ADGRL4: variants seen among roughly 807,000 people sequenced by gnomAD.
ADGRL4 encodes the protein adhesion G protein-coupled receptor L4.
Under a neutral mutation model 74.8 loss-of-function variants are expected in ADGRL4, and 90 were observed. The ratio of observed to expected loss-of-function variants is 1.20; its 90% CI spans 1.02 to 1.43. The LOEUF (loss-of-function observed/expected upper bound fraction) is 1.43, where lower values mean the gene tolerates loss of function less well. Ranked by LOEUF, ADGRL4 falls within the 40% of genes most tolerant of loss-of-function variation. The pLI, the probability that ADGRL4 is intolerant of heterozygous loss-of-function variation, is 0.00. For synonymous variants in ADGRL4, 311 were observed against 279.2 expected (o/e 1.11, Z -1.14); for missense variants, 881 against 814.3 (o/e 1.08, Z -1.00).
chr1:78,905,940 T>C (rs1428912360), intron 12 of ADGRL4, among the ~76,000 whole-genome samples: 1 of 152,018 alleles, frequency 6.6e-6, no homozygotes, highest in Non-Finnish European at 1.5e-5. Context: ...ACATAATATA[T>C]GGCAACAGAA....
In ADGRL4 at chr1:78,936,375, T is replaced by C; in HGVS notation, c.797A>G (p.Lys266Arg). The change falls in exon 7 of 15, where the codon AAA becomes AGA. Residue 266 changes from lysine to arginine, a missense_variant. Coordinates refer to ENST00000370742, the MANE Select transcript of ADGRL4 (RefSeq NM_022159.4). ...KVFFFDSYNM[K>R]HIHPHMNMDG... is the part of the protein sequence containing the mutation. ...CATATTCATATGAGGATGAATATGT[T>C]TCATGTTATATGAATCAAAAAAGAA... 6.3e-7 allele frequency: 1 copy of C among 1,578,174 alleles called. No homozygotes were observed. Among genetic ancestry groups the C allele is most frequent in the Middle Eastern group, 1.7e-4 (1 of 5,944 alleles).
At chr1:78,920,891 G>T (rs754307498) in intron 9 of ADGRL4, among the ~76,000 whole-genome samples, 17 of 151,812 alleles carry the variant, frequency 1.1e-4, no homozygotes, top group Non-Finnish European at 1.9e-4. Flanking sequence ...CTAACTAGAT[G>T]AATACTTATG....
chr1:78,932,207 A>T (rs1199827100), intron 7 of ADGRL4, among the ~76,000 whole-genome samples: 2 of 151,540 alleles, frequency 1.3e-5, no homozygotes, highest in African/African-American at 2.5e-5. Context: ...AATGCAAAAA[A>T]CTGAAATCAT....
chr1:78,994,930 A>T (rs1156630893), intron 2 of ADGRL4, among the ~76,000 whole-genome samples: 1 of 152,204 alleles, frequency 6.6e-6, no homozygotes, highest in Non-Finnish European at 1.5e-5. Context: ...TACTTTTACC[A>T]TTCCTGAACA....
At chr1:78,970,683 T>C (rs1381745245) in intron 2 of ADGRL4, among the ~76,000 whole-genome samples, 1 of 152,194 alleles carries the variant, frequency 6.6e-6, no homozygotes, top group Non-Finnish European at 1.5e-5. Context: ...CTTCAGTCTG[T>C]ACCACTTTTG....
intron 12 of ADGRL4, among the ~76,000 whole-genome samples, chr1:78,906,676 A>T (rs1407537571): frequency 6.6e-6 from 1 of 152,058 alleles, no homozygotes; most frequent in Non-Finnish European, 1.5e-5. Context: ...CTTGCAATAG[A>T]AAACAAGAAC....
chr1:78,907,367 C>T (rs925774444), intron 12 of ADGRL4, among the ~76,000 whole-genome samples: 8 of 151,914 alleles, frequency 5.3e-5, no homozygotes, highest in Non-Finnish European at 1.2e-4. Context: ...TTTCATGGCG[C>T]ATCATTCATT....
chr1:78,978,805 A>T (rs1650343725), intron 2 of ADGRL4, among the ~76,000 whole-genome samples: 1 of 152,046 alleles, frequency 6.6e-6, no homozygotes, highest in Non-Finnish European at 1.5e-5. Flanking sequence ...AAGTTTACAG[A>T]GGTGCAAAGT....
At chr1:78,966,467 G>A (rs562315798) in intron 2 of ADGRL4, among the ~76,000 whole-genome samples, 47 of 152,264 alleles carry the variant, frequency 3.1e-4, no homozygotes, top group African/African-American at 7.5e-4. Flanking sequence ...CTTGAGAAGC[G>A]GTGAGTAAAA....
intron 12 of ADGRL4, among the ~76,000 whole-genome samples, chr1:78,913,174 T>C (rs1004967776): frequency 6.6e-6 from 1 of 151,978 alleles, no homozygotes; most frequent in Non-Finnish European, 1.5e-5. Context: ...AAGGAATGGT[T>C]ATACACTGTT....
intron 2 of ADGRL4, among the ~76,000 whole-genome samples, chr1:78,967,194 T>C: frequency 6.6e-6 from 1 of 152,216 alleles, no homozygotes; most frequent in East Asian, 1.9e-4. Context: ...GTCATCAAAA[T>C]GTAAATAGGT....
intron 8 of ADGRL4, among the ~76,000 whole-genome samples, chr1:78,923,878 G>A (rs1197026780): frequency 6.6e-6 from 1 of 151,862 alleles, no homozygotes; most frequent in Non-Finnish European, 1.5e-5. Flanking sequence ...AACAGAAAAA[G>A]AGAGCAGAGA....
intron 8 of ADGRL4, among the ~76,000 whole-genome samples, chr1:78,922,742 T>C (rs570881542): frequency 2.0e-5 from 3 of 152,130 alleles, no homozygotes; most frequent in Admixed American, 1.3e-4. Flanking sequence ...GGCCAAGATA[T>C]GTGATTTTAA....
At chr1:78,933,744 A>G (rs1203559526) in intron 7 of ADGRL4, among the ~76,000 whole-genome samples, 1 of 149,796 alleles carries the variant, frequency 6.7e-6, no homozygotes, top group African/African-American at 2.5e-5. Context: ...TCACAATACA[A>G]AATCAATGTG....
At chr1:78,932,069 T>C (rs1649254709) in intron 7 of ADGRL4, among the ~76,000 whole-genome samples, 1 of 151,380 alleles carries the variant, frequency 6.6e-6, no homozygotes, top group African/African-American at 2.5e-5. Context: ...CAGTTCCGGA[T>C]GAAGTGGACC....
At chr1:78,909,028 A>G (rs924880365) in intron 12 of ADGRL4, among the ~76,000 whole-genome samples, 1 of 151,872 alleles carries the variant, frequency 6.6e-6, no homozygotes, top group Non-Finnish European at 1.5e-5. Flanking sequence ...AAATAATATG[A>G]AAAAAAGTGG....
At chr1:78,908,211 C>G (rs533335217) in intron 12 of ADGRL4, among the ~76,000 whole-genome samples, 138 of 152,034 alleles carry the variant, frequency 9.1e-4, no homozygotes, top group Middle Eastern at 3.4e-3. Context: ...TGTAGTAGAT[C>G]AGCTTGGGGA....
At chr1:78,951,909 G>A (rs1377383109) in intron 2 of ADGRL4, among the ~76,000 whole-genome samples, 1 of 152,114 alleles carries the variant, frequency 6.6e-6, no homozygotes, top group African/African-American at 2.4e-5. Context: ...GAGTTATATT[G>A]AGTCCCCTAG....
intron 2 of ADGRL4, among the ~76,000 whole-genome samples, chr1:78,958,933 C>T (rs776372344): frequency 3.9e-5 from 6 of 152,174 alleles, no homozygotes; most frequent in Non-Finnish European, 7.3e-5. Context: ...CACCCTGATC[C>T]GTCAGCAGCC....
Sources: allele counts gnomAD v4.1 joint callset (sites outside exome capture counted in the v4.1 genomes callset), GRCh38; gene constraint gnomAD v4.1.1; transcripts MANE v1.5; gene names NCBI Gene and HGNC (gene_info 2026-07-23, HGNC 2026-07-21).